The following SRGAP3 variants were observed in gnomAD, a reference collection of about 807,000 sequenced individuals.
The protein encoded by SRGAP3 is SLIT-ROBO Rho GTPase-activating protein 3.
SRGAP3 carries 39 observed loss-of-function variants against 121.1 expected under a neutral mutation model. That is an observed-to-expected ratio of 0.32 (90% CI 0.25 to 0.42). SRGAP3 has a LOEUF of 0.42. SRGAP3 is among the 10% of genes least tolerant of loss of function. SRGAP3 has a pLI of 1.00. For synonymous variants in SRGAP3, 601 were observed against 570.0 expected, an observed-to-expected ratio of 1.05 and a Z score of -0.77; for missense variants, 1,213 against 1,470.6, an observed-to-expected ratio of 0.82 and a Z score of 2.86.
intron 3 of SRGAP3, among the ~76,000 whole-genome samples, chr3:9,307,619 T>A (rs1252956915): frequency 1.3e-5 from 2 of 152,072 alleles, no homozygotes; most frequent in Non-Finnish European, 2.9e-5. Context: ...CTATTAAAGG[T>A]CCTAAACAAA....
chr3:9,017,199 C>A (rs957242169), intron 14 of SRGAP3, among the ~76,000 whole-genome samples: 1 of 152,128 alleles, frequency 6.6e-6, no homozygotes, highest in Non-Finnish European at 1.5e-5. Flanking sequence ...GTCATAAAGA[C>A]CTTCCAGATC....
chr3:9,060,044 ACAC>A (rs1362118529), intron 6 of SRGAP3, 184 bp downstream of exon 6: 1 of 908,784 alleles, frequency 1.1e-6, no homozygotes, highest in African/African-American at 1.7e-5. Flanking sequence ...GTGAAAATAG[ACAC>A]CACGAGGTAA....
intron 3 of SRGAP3, among the ~76,000 whole-genome samples, chr3:9,279,588 A>G (rs34114221): frequency 0.15 from 21,345 of 142,522 alleles, 1,830 homozygotes; most frequent in South Asian, 0.2. Flanking sequence ...ATCTCGGCTC[A>G]CAGCCACCTC....
intron 11 of SRGAP3, 185 bp downstream of exon 11, chr3:9,037,878 T>C (rs1193955556): frequency 1.8e-5 from 14 of 757,540 alleles, no homozygotes; most frequent in Non-Finnish European, 3.0e-5. Context: ...CGTGGCTTTG[T>C]CAGTCTAATG....
intron 1 of SRGAP3, among the ~76,000 whole-genome samples, chr3:9,205,990 G>T (rs760842776): frequency 6.6e-6 from 1 of 152,152 alleles, no homozygotes; most frequent in Non-Finnish European, 1.5e-5. Context: ...AGGGGAACTA[G>T]TATTTAATGG....
At position 8,985,698 on chromosome 3, in the gene SRGAP3, G is replaced by T; in HGVS notation, c.3121C>A (p.Pro1041Thr). The change falls in exon 22 of 22, where the codon CCA becomes ACA. Residue 1041 changes from proline to threonine, a missense_variant. Pro to Thr is a conservative substitution (Grantham distance 38). Coordinates refer to ENST00000383836, the MANE Select transcript of SRGAP3 (RefSeq NM_014850.4). This position sits in a 1 kb window ranked among gnomAD's most constrained non-coding sequence, Gnocchi z 5.1. ...SSTEMMTTFK[P>T]ALSARLAGAQ... is the part of the protein sequence containing the mutation. ...CCAGCCAGGCGGGCGGACAGGGCTG[G>T]CTTGAAGGTGGTCATCATCTCGGTG... 1 of 1,597,826 alleles carries T rather than the reference G, an allele frequency of 6.3e-7. No homozygotes were observed. The highest frequency in any genetic ancestry group is 8.5e-7 in the Non-Finnish European group (1 of 1,179,504).
chr3:9,147,252 T>C (rs373775047), intron 1 of SRGAP3, among the ~76,000 whole-genome samples: 1 of 152,164 alleles, frequency 6.6e-6, no homozygotes, highest in African/African-American at 2.4e-5. Flanking sequence ...GGCCCCCACC[T>C]TGATTTCTTC....
At chr3:9,159,768 C>T (rs1950545439) in intron 1 of SRGAP3, among the ~76,000 whole-genome samples, 1 of 152,202 alleles carries the variant, frequency 6.6e-6, no homozygotes, top group South Asian at 2.1e-4. Context: ...TTGCCTCCCC[C>T]AACTATAAGT....
chr3:9,278,922 T>C (rs967060086), intron 3 of SRGAP3, among the ~76,000 whole-genome samples: 6 of 152,148 alleles, frequency 3.9e-5, no homozygotes, highest in Admixed American at 1.3e-4. Context: ...TGTGTGTTGA[T>C]TGATTCTCTT....
chr3:9,041,568 G>C (rs994105600), intron 10 of SRGAP3, among the ~76,000 whole-genome samples: 2 of 152,162 alleles, frequency 1.3e-5, no homozygotes, highest in African/African-American at 4.8e-5. Context: ...CTTTCTTTGG[G>C]CCTCCATATC....
intron 1 of SRGAP3, among the ~76,000 whole-genome samples, chr3:9,157,946 ACTCAGTGAAT>A (rs1950475084): frequency 1.3e-5 from 2 of 152,174 alleles, no homozygotes. Flanking sequence ...CTCTTTTACT[ACTCAGTGAAT>A]AACAGCTGTT....
intron 1 of SRGAP3, among the ~76,000 whole-genome samples, chr3:9,207,471 A>G (rs1361815043): frequency 6.6e-6 from 1 of 152,216 alleles, no homozygotes; most frequent in African/African-American, 2.4e-5. Flanking sequence ...GTCTATCATG[A>G]TCATCTATGT....
chr3:9,192,694 A>G (rs1264657713), intron 1 of SRGAP3: 1 of 152,114 alleles, frequency 6.6e-6, no homozygotes, highest in African/African-American at 2.4e-5. Flanking sequence ...AGCTTTTCTA[A>G]TTTTTGTGAG....
chr3:9,078,123 C>T (rs1490186708), intron 4 of SRGAP3, among the ~76,000 whole-genome samples: 2 of 152,124 alleles, frequency 1.3e-5, no homozygotes, highest in Non-Finnish European at 2.9e-5. Context: ...ATGAGCATGA[C>T]ACTAACAGGT....
chr3:9,333,314 T>A (rs1174235162), intron 1 of SRGAP3, among the ~76,000 whole-genome samples: 4 of 152,114 alleles, frequency 2.6e-5, no homozygotes, highest in Admixed American at 1.3e-4. Flanking sequence ...ACAGGAAAAA[T>A]AATTCAGATG....
intron 1 of SRGAP3, chr3:9,219,587 C>T (rs1194252534): frequency 6.6e-6 from 1 of 152,238 alleles, no homozygotes; most frequent in Non-Finnish European, 1.5e-5. Flanking sequence ...GGCAGTGGCT[C>T]ACACCTGTAT....
intron 9 of SRGAP3, among the ~76,000 whole-genome samples, chr3:9,048,565 A>G (rs868126715): frequency 6.6e-6 from 1 of 152,242 alleles, no homozygotes; most frequent in South Asian, 2.1e-4. Flanking sequence ...TCACACCTGT[A>G]ATTCCAGCTG....
At chr3:9,287,978 A>G (rs1319351310) in intron 3 of SRGAP3, among the ~76,000 whole-genome samples, 1 of 152,070 alleles carries the variant, frequency 6.6e-6, no homozygotes, top group Admixed American at 6.6e-5. Flanking sequence ...TCCTGAATGT[A>G]TGGACAGGTA....
intron 1 of SRGAP3, among the ~76,000 whole-genome samples, chr3:9,243,584 A>G (rs1408568770): frequency 1.3e-5 from 2 of 151,818 alleles, no homozygotes; most frequent in Non-Finnish European, 2.9e-5. Context: ...ATAGTGAGCC[A>G]AGATTGTGCC....
Sources: gnomAD v4.1 joint callset for allele counts (sites outside exome capture counted in the v4.1 genomes callset) on GRCh38, gnomAD v4.1.1 for gene constraint, Gnocchi (gnomAD v3.1) non-coding constraint, MANE v1.5 for transcripts, NCBI Gene and HGNC (gene_info 2026-07-23, HGNC 2026-07-21) for gene names.